Variants in VCF1 observed in about 807,000 individuals in gnomAD.
VCF1 encodes protein VCF1.
At chr17:73,214,442 G>T in the VCF1 span, among the ~76,000 whole-genome samples, 1 of 152,102 alleles carries the variant, frequency 6.6e-6, no homozygotes, top group Non-Finnish European at 1.5e-5. Flanking sequence ...TATGGAACAG[G>T]GTCAAAAAAT....
the VCF1 span, among the ~76,000 whole-genome samples, chr17:73,210,334 A>G: frequency 6.6e-6 from 1 of 152,124 alleles, no homozygotes; most frequent in Non-Finnish European, 1.5e-5. Context: ...TGGTCAAGTT[A>G]TCTTATGTTG....
the VCF1 span, chr17:73,209,574 C>G: frequency 1.9e-5 from 30 of 1,587,432 alleles, no homozygotes; most frequent in Non-Finnish European, 2.6e-5. Flanking sequence ...GGAAGTGGGC[C>G]TCCCTCAGGG....
At chr17:73,219,883 G>A in the VCF1 span, among the ~76,000 whole-genome samples, 1 of 151,560 alleles carries the variant, frequency 6.6e-6, no homozygotes, top group Non-Finnish European at 1.5e-5. Flanking sequence ...GCTGAGGTGG[G>A]AGGATCACCT....
the VCF1 span, among the ~76,000 whole-genome samples, chr17:73,221,546 C>T: frequency 4.6e-5 from 7 of 152,042 alleles, 1 homozygote; most frequent in African/African-American, 1.4e-4. Context: ...AAAACTGAGC[C>T]TGAGATAGAT....
At chr17:73,209,836 C>CATGT in the VCF1 span, 1 of 1,525,288 alleles carries the variant, frequency 6.6e-7, no homozygotes, top group African/African-American at 1.4e-5. Context: ...ACTGTGGTTT[C>CATGT]ATGTACAGCG....
the VCF1 span, chr17:73,212,710 T>G: frequency 1.2e-4 from 188 of 1,594,790 alleles, no homozygotes; most frequent in Non-Finnish European, 1.5e-4. Flanking sequence ...CTTAGTCTGT[T>G]TTCTTTACTG....
the VCF1 span, among the ~76,000 whole-genome samples, chr17:73,214,715 TTGA>T: frequency 3.3e-5 from 5 of 152,228 alleles, no homozygotes; most frequent in African/African-American, 1.2e-4. Context: ...AAGCCAATAC[TTGA>T]TGATGCACGG....
At chr17:73,207,584 A>T in the VCF1 span, 1 of 826,124 alleles carries the variant, frequency 1.2e-6, no homozygotes. Flanking sequence ...GTTTGGAGAA[A>T]ATCTGTTTTG....
the VCF1 span, among the ~76,000 whole-genome samples, chr17:73,228,679 G>A: frequency 6.6e-5 from 10 of 152,022 alleles, no homozygotes; most frequent in African/African-American, 2.4e-4. Context: ...GAAGTAGTTG[G>A]AGGTTAAAAA....
the VCF1 span, chr17:73,208,276 GC>G: frequency 1.2e-6 from 2 of 1,611,808 alleles, no homozygotes; most frequent in Non-Finnish European, 1.7e-6. Context: ...GAGGGCTCAG[GC>G]CAACTCTAAG....
the VCF1 span, among the ~76,000 whole-genome samples, chr17:73,210,794 C>G: frequency 6.9e-6 from 1 of 144,106 alleles, no homozygotes; most frequent in African/African-American, 2.6e-5. Flanking sequence ...GAGACAAGAT[C>G]TCGCTATGTT....
chr17:73,225,900 T>TAATATATATATATATATATAATA, the VCF1 span, among the ~76,000 whole-genome samples: 1 of 77,898 alleles, frequency 1.3e-5, no homozygotes, highest in African/African-American at 6.5e-5. Context: ...TATATATATA[T>TAATATATATATATATATATAATA]TTTTTTTTTT....
At chr17:73,227,646 T>C in the VCF1 span, 1 of 987,242 alleles carries the variant, frequency 1.0e-6, no homozygotes, top group Non-Finnish European at 1.2e-6. Flanking sequence ...CTAATTGTAC[T>C]CCCTTCCATA....
At chr17:73,207,863 C>A in the VCF1 span, 1 of 1,213,928 alleles carries the variant, frequency 8.2e-7, no homozygotes, top group Non-Finnish European at 1.0e-6. Flanking sequence ...TCCGTATTCC[C>A]TACCATCGAA....
chr17:73,227,280 A>G, the VCF1 span: 1 of 1,505,688 alleles, frequency 6.6e-7, no homozygotes, highest in Non-Finnish European at 8.9e-7. Context: ...ATTAAATCAC[A>G]AGGAGAAAAA....
At chr17:73,208,750 T>G in the VCF1 span, 1 of 435,316 alleles carries the variant, frequency 2.3e-6, no homozygotes, top group Non-Finnish European at 4.3e-6. Flanking sequence ...AGCTGCTGAC[T>G]GACCAAGTTT....
At chr17:73,208,389 G>T in the VCF1 span, 4 of 1,614,128 alleles carry the variant, frequency 2.5e-6, no homozygotes, top group Non-Finnish European at 3.4e-6. Context: ...TGTCAGTGAA[G>T]AAGACAACAC....
At chr17:73,217,394 T>C in the VCF1 span, among the ~76,000 whole-genome samples, 6 of 148,262 alleles carry the variant, frequency 4.0e-5, no homozygotes, top group Admixed American at 3.4e-4. Flanking sequence ...GGTTCATGCC[T>C]GTAATCCCAG....
At chr17:73,221,048 G>A in the VCF1 span, among the ~76,000 whole-genome samples, 46 of 150,110 alleles carry the variant, frequency 3.1e-4, no homozygotes, top group Non-Finnish European at 5.9e-4. Flanking sequence ...ACAGGTACGC[G>A]CCACCACGCC....
Sources: allele counts gnomAD v4.1 joint callset (sites outside exome capture counted in the v4.1 genomes callset), GRCh38; gene constraint gnomAD v4.1.1; transcripts MANE v1.5; gene names NCBI Gene and HGNC (gene_info 2026-07-23, HGNC 2026-07-21).